FRMPD2: variants seen among roughly 807,000 people sequenced by gnomAD.
The protein encoded by FRMPD2 is FERM and PDZ domain-containing protein 2.
Under a neutral mutation model 140.1 loss-of-function variants are expected in FRMPD2, and 96 were observed. The ratio of observed to expected loss-of-function variants is 0.69; its 90% confidence interval spans 0.58 to 0.81. The LOEUF is 0.81. Among genes scored for constraint, FRMPD2 ranks in the 40% least tolerant of loss-of-function variants. The probability of loss-of-function intolerance (pLI) is 0.00; values close to 1 mark genes in which losing one functional copy is unlikely to be tolerated. For missense variants in FRMPD2, 1,240 were observed against 1,447.4 expected, an observed-to-expected ratio of 0.86 and a Z score of 2.32; for synonymous variants, 449 against 547.6, an observed-to-expected ratio of 0.82 and a Z score of 2.52.
In FRMPD2 at chr10:48,187,229, G is replaced by A. The variant is rs770965844; in HGVS notation, c.2229C>T (p.Asp743=). The A allele has an allele frequency of 1.9e-6, 3 of 1,614,094 alleles. No homozygotes were observed. The highest frequency in any genetic ancestry group is 2.5e-6 in the Non-Finnish European group (3 of 1,179,986). The change falls in exon 17 of 29, where the codon GAC becomes GAT. Residue 743 remains aspartate (D), a synonymous_variant. Coordinates refer to ENST00000374201, the MANE Select transcript of FRMPD2 (RefSeq NM_001018071.4). ...TCTGAACAGGTGGTCCAGAGAGAGA[G>A]TCCCAGGTCATTGGCTTCTGGATCA... ...ACVIQKPMTW[D]SLSGPPVQSM...
chr10:48,242,094 T>C lies in FRMPD2; in HGVS notation c.567+67A>G. Reference sequence around the variant, plus strand: ...TTATTTTAGTTAATGATAATATAACTAATTCAAATTTTAATAGCCACACAT... The same window carrying C: ...TTATTTTAGTTAATGATAATATAACCAATTCAAATTTTAATAGCCACACAT... On this transcript the variant is annotated intron_variant, in intron 5 of 28. Coordinates refer to ENST00000374201, the MANE Select transcript of FRMPD2 (RefSeq NM_001018071.4). 5.4e-6 allele frequency: 6 copies of C among 1,109,694 alleles called. No homozygotes were observed. The South Asian group carries it at 9.2e-5, about 17-fold the overall frequency. 68.7% of individuals were successfully genotyped at this position (1,109,694 alleles called of 1,614,324 possible).
At chr10:48,183,634 T>G (rs1371120433) in intron 20 of FRMPD2, among the ~76,000 whole-genome samples, 4 of 151,934 alleles carry the variant, frequency 2.6e-5, no homozygotes, top group African/African-American at 7.3e-5. Context: ...GCAGATCACT[T>G]GAGTTCAGGA....
chr10:48,240,911 C>T (rs1294898114), intron 5 of FRMPD2, among the ~76,000 whole-genome samples: 1 of 152,214 alleles, frequency 6.6e-6, no homozygotes, highest in African/African-American at 2.4e-5. Flanking sequence ...TGTCTGTCTC[C>T]CCCAACATCT....
chr10:48,244,103 G>C (rs763047457), intron 4 of FRMPD2, among the ~76,000 whole-genome samples: 34 of 152,168 alleles, frequency 2.2e-4, no homozygotes, highest in Non-Finnish European at 3.7e-4. Flanking sequence ...TCATGCCTCA[G>C]CCTCCCAAGT....
In FRMPD2 at chr10:48,240,394, C is replaced by T. The variant is rs189536745; in HGVS notation, c.666G>A (p.Ala222=). ...GATGCAGACACTCCGGGGCCTGTGC[C>T]GCTGGGCTCTCGCTGCTTGTCCCAC... is the stretch of plus-strand genomic sequence containing the variant. ...RLRGTSSESP[A]AQAPECLHPC... is the part of the protein sequence containing the mutation. Residue 222 remains alanine, a synonymous_variant, in exon 6 of 29, where the codon GCG becomes GCA. Transcript: ENST00000374201. 5.8e-4 allele frequency: 941 copies of T among 1,613,170 alleles called. 17 individuals carry two copies. In the South Asian group the frequency reaches 9.6e-3, roughly 16 times the overall value.
Position 48,274,651 on chromosome 10 carries a change from G to A in FRMPD2, c.-84C>T, listed in dbSNP as rs1273874300. 1.2e-5 allele frequency: 16 copies of A among 1,314,912 alleles called. No individual in the cohort carries two copies. The highest frequency in any genetic ancestry group is 4.6e-5 in the East Asian group (2 of 43,392). 81.5% of individuals were successfully genotyped at this position (1,314,912 alleles called of 1,614,324 possible). A position where few individuals can be genotyped will look rare whatever the true frequency, so the allele number is the denominator to read the frequency against. ...GCAGGGGTCTCTTGCAAGTCTGTCC[G>A]CGGAGCTCCCTGCCACCAGCACTGT... On this transcript the variant is annotated 5_prime_UTR_variant, in exon 1 of 29. Transcript: ENST00000374201.
chr10:48,192,147 A>T (rs764675763), intron 16 of FRMPD2, among the ~76,000 whole-genome samples: 3 of 152,216 alleles, frequency 2.0e-5, no homozygotes, highest in African/African-American at 4.8e-5. Context: ...AGACGGGAGC[A>T]TCATAGAAGG....
chr10:48,235,309 T>C (rs1311602702), intron 9 of FRMPD2, among the ~76,000 whole-genome samples: 2 of 152,186 alleles, frequency 1.3e-5, no homozygotes, highest in Non-Finnish European at 2.9e-5. Context: ...TGGGTGCCCG[T>C]CAGCGTGTGC....
At chr10:48,265,252 A>G (rs1416799446) in intron 1 of FRMPD2, among the ~76,000 whole-genome samples, 1 of 152,220 alleles carries the variant, frequency 6.6e-6, no homozygotes, top group Non-Finnish European at 1.5e-5. Flanking sequence ...ACCCAGAACT[A>G]TAAAAACTCT....
rs954074898 is a variant in FRMPD2 at position 48,197,266 on chromosome 10, C to T, written c.1954+3962G>A. Among the ~76,000 whole-genome samples the T allele has an allele frequency of 2.0e-4, 31 of 152,114 alleles. 1 individual carries two copies. The highest frequency in any genetic ancestry group is 7.9e-4 in the Admixed American group (12 of 15,280). Reference sequence around the variant, plus strand: ...ATTGGCTGGCACTGAACAAAACCCCCGTGAGCAGGAGCCACCATTACTACT... The same window carrying T: ...ATTGGCTGGCACTGAACAAAACCCCTGTGAGCAGGAGCCACCATTACTACT... On this transcript the variant is annotated intron_variant, in intron 15 of 28. Transcript: ENST00000374201.
At chr10:48,229,578 G>A (rs1839801933) in intron 10 of FRMPD2, among the ~76,000 whole-genome samples, 2 of 152,066 alleles carry the variant, frequency 1.3e-5, no homozygotes, top group African/African-American at 4.8e-5. Context: ...AATAAGTGGT[G>A]CCAAATCTTT....
chr10:48,211,291 C>T (rs142460773), intron 13 of FRMPD2, among the ~76,000 whole-genome samples: 359 of 152,314 alleles, frequency 2.4e-3, no homozygotes, highest in African/African-American at 8.3e-3. Context: ...GGTGAAGAGA[C>T]GGTGGGCCCA....
At chr10:48,238,231 G>A in intron 7 of FRMPD2, 108 bp from the exon 8 acceptor site, 2 of 1,097,044 alleles carry the variant, frequency 1.8e-6, no homozygotes. Context: ...ACCCACTGAT[G>A]CATGTCACCT....
intron 28 of FRMPD2, among the ~76,000 whole-genome samples, chr10:48,163,004 T>G (rs1297351884): frequency 6.8e-6 from 1 of 147,270 alleles, no homozygotes; most frequent in African/African-American, 2.6e-5. Flanking sequence ...GGAACTTCCT[T>G]CTTACTACAA....
At chr10:48,237,516 A>T (rs1839994344) in intron 8 of FRMPD2, among the ~76,000 whole-genome samples, 1 of 152,094 alleles carries the variant, frequency 6.6e-6, no homozygotes, top group Non-Finnish European at 1.5e-5. Context: ...ACTAACTTTG[A>T]CAGACAGACA....
intron 7 of FRMPD2, among the ~76,000 whole-genome samples, chr10:48,239,278 T>C (rs1009208676): frequency 6.6e-6 from 1 of 152,198 alleles, no homozygotes; most frequent in Non-Finnish European, 1.5e-5. Context: ...TTAGCCACTG[T>C]GTTTTGTGGT....
At chr10:48,180,231 C>T (rs2032973371) in intron 21 of FRMPD2, among the ~76,000 whole-genome samples, 2 of 152,316 alleles carry the variant, frequency 1.3e-5, no homozygotes, top group South Asian at 2.1e-4. Context: ...CTGTGCAGGG[C>T]CCAGAGCAGA....
At chr10:48,206,132 A>G (rs1049890565) in intron 14 of FRMPD2, among the ~76,000 whole-genome samples, 1 of 152,236 alleles carries the variant, frequency 6.6e-6, no homozygotes, top group African/African-American at 2.4e-5. Flanking sequence ...GACTCACTTC[A>G]GGAGGCAGAA....
In FRMPD2 at chr10:48,206,888, A is replaced by T; in HGVS notation, c.1657T>A (p.Phe553Ile). 6.2e-7 allele frequency: 1 copy of T among 1,614,048 alleles called. No individual in the cohort carries two copies. Among genetic ancestry groups the T allele is most frequent in the South Asian group, 1.1e-5 (1 of 91,074 alleles). ...PEYGVLVHQV[F>I]SEKRRPEEEM... ...TCTTCTGGCCTCCTCTTCTCTGAGA[A>T]TACTTGGTGAACCAGCACACCGTAT... Residue 553 changes from phenylalanine to isoleucine, a missense_variant, in exon 14 of 29, where the codon TTC (phenylalanine) becomes ATC (isoleucine). Physicochemically the swap from Phe to Ile is conservative, Grantham distance 21. This residue lies in a region of FRMPD2 where 1,161 missense variants were observed against 1,055.9 expected (regional missense o/e 1.10). Transcript: ENST00000374201.
Sources: allele counts gnomAD v4.1 joint callset (sites outside exome capture counted in the v4.1 genomes callset), GRCh38; gene constraint gnomAD v4.1.1; regional missense constraint gnomAD v4.1.1; transcripts MANE v1.5; gene names NCBI Gene and HGNC (gene_info 2026-07-23, HGNC 2026-07-21).